The following SGCZ variants were observed in gnomAD, a reference collection of about 807,000 sequenced individuals.
SGCZ encodes the protein sarcoglycan zeta.
A neutral mutation model predicts 41.3 loss-of-function variants in SGCZ; 40 were observed. The ratio of observed to expected loss-of-function variants is 0.97; its 90% CI spans 0.75 to 1.26. SGCZ has a LOEUF of 1.26. SGCZ is among the 50% of genes most tolerant of loss of function. The pLI, the probability that SGCZ is intolerant of heterozygous loss-of-function variation, is 0.00. For synonymous variants in SGCZ, 206 were observed against 137.5 expected (o/e 1.50, Z -3.49); for missense variants, 552 against 369.8 (o/e 1.49, Z -4.04).
intron 1 of SGCZ, among the ~76,000 whole-genome samples, chr8:14,713,871 A>G (rs1809601414): frequency 6.6e-6 from 1 of 152,168 alleles, no homozygotes; most frequent in African/African-American, 2.4e-5. Context: ...ATTTACCATA[A>G]GTTAAGCTAA....
chr8:14,378,263 C>T (rs1461825441), intron 2 of SGCZ, among the ~76,000 whole-genome samples: 1 of 151,754 alleles, frequency 6.6e-6, no homozygotes, highest in Non-Finnish European at 1.5e-5. Context: ...TTTTGATTTG[C>T]ATTTCTCTGA....
In SGCZ at chr8:15,186,889, A is replaced by G. The variant is rs182414916; in HGVS notation, c.39+50696T>C. Among the ~76,000 whole-genome samples, 28 of 152,220 alleles carry G rather than the reference A, an allele frequency of 1.8e-4. No individual in the cohort carries two copies. The East Asian group carries it at 4.4e-3, about 24-fold the overall frequency. On this transcript the variant is annotated intron_variant, in intron 1 of 7. Coordinates refer to ENST00000382080, the MANE Select transcript of SGCZ (RefSeq NM_139167.4). ...CATTTAAGCAGATCTTATTGGCTTT[A>G]TTGACTAGTATTCAACAGCAATGCC...
At chr8:14,886,064 G>T (rs906790975) in intron 1 of SGCZ, among the ~76,000 whole-genome samples, 1 of 120,408 alleles carries the variant, frequency 8.3e-6, no homozygotes, top group South Asian at 2.8e-4. Context: ...TTTCACTTAA[G>T]GTAATAGCAC....
chr8:14,303,977 C>G (rs1002194381), intron 3 of SGCZ, among the ~76,000 whole-genome samples: 31 of 151,998 alleles, frequency 2.0e-4, no homozygotes, highest in African/African-American at 7.5e-4. Context: ...GCCTCGAACT[C>G]CTGACCTCAA....
intron 4 of SGCZ, among the ~76,000 whole-genome samples, chr8:14,205,808 A>AT (rs1805596307): frequency 6.6e-6 from 1 of 152,084 alleles, no homozygotes; most frequent in Non-Finnish European, 1.5e-5. Context: ...TAATTATTCT[A>AT]TTTGATGCAC....
At chr8:14,618,876 G>T (rs1404869629) in intron 1 of SGCZ, among the ~76,000 whole-genome samples, 1 of 152,078 alleles carries the variant, frequency 6.6e-6, no homozygotes, top group African/African-American at 2.4e-5. Context: ...CCAATATTTG[G>T]CCTAAGCAAA....
At chr8:15,182,075 G>A (rs774361540) in intron 1 of SGCZ, among the ~76,000 whole-genome samples, 3 of 152,070 alleles carry the variant, frequency 2.0e-5, no homozygotes, top group Non-Finnish European at 4.4e-5. Context: ...TATTCATTCC[G>A]AAATTCATGG....
intron 1 of SGCZ, among the ~76,000 whole-genome samples, chr8:14,823,534 C>G (rs1280444427): frequency 6.6e-6 from 1 of 152,124 alleles, no homozygotes; most frequent in Non-Finnish European, 1.5e-5. Context: ...TAAATACCAC[C>G]TCTTTCCAGG....
rs546458840 is a variant in SGCZ at position 14,455,845 on chromosome 8, A to G, written c.234+98887T>C. Among the ~76,000 whole-genome samples, 50 of 152,354 alleles carry G rather than the reference A, an allele frequency of 3.3e-4. 1 individual carries two copies. Among genetic ancestry groups the G allele is most frequent in the African/African-American group, 1.2e-3 (48 of 41,574 alleles). ...ATATATTATTGTGAAAACAAAGTAA[A>G]GTACAAAAGAGTGTTTGCAGTATGC... On this transcript the variant is annotated intron_variant, in intron 2 of 7. Transcript: ENST00000382080.
At chr8:15,187,615 T>A (rs918487058) in intron 1 of SGCZ, among the ~76,000 whole-genome samples, 11 of 152,024 alleles carry the variant, frequency 7.2e-5, no homozygotes, top group African/African-American at 2.7e-4. Context: ...AACTTTTTAT[T>A]ATAATAATAA....
At chr8:14,277,049 C>G (rs1437487693) in intron 3 of SGCZ, among the ~76,000 whole-genome samples, 1 of 152,158 alleles carries the variant, frequency 6.6e-6, no homozygotes, top group Non-Finnish European at 1.5e-5. Flanking sequence ...TCCTTCCTCA[C>G]TTTGTTTGTG....
intron 1 of SGCZ, among the ~76,000 whole-genome samples, chr8:14,935,671 T>C (rs760766154): frequency 7.3e-5 from 11 of 151,576 alleles, no homozygotes; most frequent in Non-Finnish European, 1.6e-4. Flanking sequence ...ATAAAATAAA[T>C]ACAACAAAAT....
intron 2 of SGCZ, among the ~76,000 whole-genome samples, chr8:14,477,273 C>T (rs939289715): frequency 6.6e-6 from 1 of 152,090 alleles, no homozygotes; most frequent in Non-Finnish European, 1.5e-5. Flanking sequence ...GGCAAAACAA[C>T]AACAAAAACC....
chr8:14,617,479 G>A (rs12547358), intron 1 of SGCZ, among the ~76,000 whole-genome samples: 23,751 of 151,996 alleles, frequency 0.16, 2,295 homozygotes, highest in South Asian at 0.22. Context: ...TATGTCCTTG[G>A]TCAGAAAATT....
intron 1 of SGCZ, among the ~76,000 whole-genome samples, chr8:14,917,666 A>G (rs1009237458): frequency 6.6e-6 from 1 of 151,990 alleles, no homozygotes; most frequent in African/African-American, 2.4e-5. Flanking sequence ...TTTACATCCT[A>G]TTTCTACACA....
intron 1 of SGCZ, among the ~76,000 whole-genome samples, chr8:14,726,866 A>G (rs1010066864): frequency 2.6e-5 from 4 of 152,118 alleles, no homozygotes; most frequent in African/African-American, 4.8e-5. Flanking sequence ...AAAAACTAGT[A>G]TCTAGTATAA....
intron 1 of SGCZ, among the ~76,000 whole-genome samples, chr8:14,997,165 A>C (rs986188029): frequency 1.3e-4 from 20 of 152,148 alleles, no homozygotes; most frequent in Admixed American, 1.3e-3. Flanking sequence ...TCACATTCAC[A>C]TATCTGTCCC....
chr8:14,770,943 G>A (rs996948101), intron 1 of SGCZ, among the ~76,000 whole-genome samples: 1 of 152,084 alleles, frequency 6.6e-6, no homozygotes, highest in Admixed American at 6.6e-5. Flanking sequence ...AATAGAATTT[G>A]CCTGACAGAT....
chr8:14,913,531 A>G (rs1342752696), intron 1 of SGCZ, among the ~76,000 whole-genome samples: 1 of 152,070 alleles, frequency 6.6e-6, no homozygotes, highest in African/African-American at 2.4e-5. Context: ...AGGCCTAAAA[A>G]GTTTATTGTT....
Sources: allele counts gnomAD v4.1 joint callset (sites outside exome capture counted in the v4.1 genomes callset), GRCh38; gene constraint gnomAD v4.1.1; transcripts MANE v1.5; gene names NCBI Gene and HGNC (gene_info 2026-07-23, HGNC 2026-07-21).